The following PDZRN4 variants were observed in gnomAD, a reference collection of about 807,000 sequenced individuals.
PDZRN4 encodes PDZ domain containing ring finger 4, also known as PDZ domain-containing RING finger protein 4.
In PDZRN4, 70 loss-of-function variants were observed where a neutral mutation model predicts 99.0. The observed-to-expected ratio is 0.71, with a 90% CI of 0.58 to 0.86. PDZRN4 has a LOEUF of 0.86. Among genes scored for constraint, PDZRN4 ranks in the 40% least tolerant of loss-of-function variants. The pLI, the probability that PDZRN4 is intolerant of heterozygous loss-of-function variation, is 0.00. For synonymous variants in PDZRN4, 551 were observed against 501.6 expected (o/e 1.10, Z -1.32); for missense variants, 1,474 against 1,331.2 (o/e 1.11, Z -1.67).
intron 3 of PDZRN4, among the ~76,000 whole-genome samples, chr12:41,346,668 G>C (rs943908760): frequency 2.0e-5 from 3 of 152,038 alleles, no homozygotes; most frequent in African/African-American, 7.2e-5. Context: ...CTAACCAAAA[G>C]CTTGATGGTG....
At position 41,308,970 on chromosome 12, in the gene PDZRN4, G is replaced by GA. The variant is rs1236280477; in HGVS notation, c.843+114789dup. On this transcript the variant is annotated intron_variant, in intron 3 of 9. Coordinates refer to ENST00000402685, the MANE Select transcript of PDZRN4 (RefSeq NM_001164595.2). ...ATTTTATGTTCACATTTCCATTTGGGAAAAAAAGCTTATATTCCTATTTAA... is the reference window on the plus strand; with the variant it reads ...ATTTTATGTTCACATTTCCATTTGGGAAAAAAAAGCTTATATTCCTATTTAA... 4.0e-5 allele frequency among the ~76,000 whole-genome samples: 6 copies of GA among 151,620 alleles called. No individual in the cohort carries two copies. The South Asian group carries it at 1.0e-3, about 26-fold the overall frequency.
At chr12:41,369,647 C>A (rs979321298) in intron 3 of PDZRN4, among the ~76,000 whole-genome samples, 1 of 151,884 alleles carries the variant, frequency 6.6e-6, no homozygotes, top group African/African-American at 2.4e-5. Flanking sequence ...ATTTCAGAAT[C>A]TCTGTCTTTA....
At chr12:41,248,375 C>T (rs1282850101) in intron 3 of PDZRN4, among the ~76,000 whole-genome samples, 3 of 152,038 alleles carry the variant, frequency 2.0e-5, no homozygotes, top group South Asian at 2.1e-4. Context: ...ATAGGTTTTA[C>T]GAATTACACA....
chr12:41,465,894 T>A (rs1952919779), intron 3 of PDZRN4, among the ~76,000 whole-genome samples: 1 of 152,244 alleles, frequency 6.6e-6, no homozygotes, highest in Non-Finnish European at 1.5e-5. Context: ...TTTCAGTGTT[T>A]TTTTTTAATA....
chr12:41,330,796 C>T (rs754386517), intron 3 of PDZRN4, among the ~76,000 whole-genome samples: 10 of 151,990 alleles, frequency 6.6e-5, no homozygotes, highest in Admixed American at 1.3e-4. Context: ...CCTTTATTTG[C>T]CTTTCTGGAA....
chr12:41,519,630 T>G (rs1938459604), intron 5 of PDZRN4, among the ~76,000 whole-genome samples: 1 of 152,092 alleles, frequency 6.6e-6, no homozygotes, highest in Admixed American at 6.6e-5. Flanking sequence ...ACCAATGCTC[T>G]TCAATGCCTT....
chr12:41,496,585 G>A (rs1938009038), intron 3 of PDZRN4, among the ~76,000 whole-genome samples: 1 of 152,102 alleles, frequency 6.6e-6, no homozygotes, highest in African/African-American at 2.4e-5. Context: ...TTTAAGAGCA[G>A]AGCAGCCCTG....
chr12:41,304,254 T>G (rs1047482584), intron 3 of PDZRN4, among the ~76,000 whole-genome samples: 10 of 152,130 alleles, frequency 6.6e-5, no homozygotes, highest in African/African-American at 2.4e-4. Flanking sequence ...TGATATCAGA[T>G]CAAAAGGAGT....
At chr12:41,339,079 T>C (rs1025664260) in intron 3 of PDZRN4, among the ~76,000 whole-genome samples, 2 of 151,658 alleles carry the variant, frequency 1.3e-5, no homozygotes, top group Non-Finnish European at 2.9e-5. Context: ...TTTCCTAAAA[T>C]TTATATGGAA....
At chr12:41,245,101 G>C (rs1000271305) in intron 3 of PDZRN4, among the ~76,000 whole-genome samples, 5 of 152,020 alleles carry the variant, frequency 3.3e-5, no homozygotes, top group Non-Finnish European at 7.4e-5. Context: ...TTACCACCCT[G>C]GGCACTGTCT....
At chr12:41,425,782 C>T (rs2120422120) in intron 3 of PDZRN4, among the ~76,000 whole-genome samples, 1 of 152,236 alleles carries the variant, frequency 6.6e-6, no homozygotes, top group South Asian at 2.1e-4. Flanking sequence ...TTTAATGGGT[C>T]TTCTTTAACC....
At chr12:41,352,906 A>G (rs1249982229) in intron 3 of PDZRN4, among the ~76,000 whole-genome samples, 2 of 152,152 alleles carry the variant, frequency 1.3e-5, no homozygotes, top group South Asian at 4.1e-4. Context: ...AATATAAATG[A>G]CAAAGACCAT....
At chr12:41,239,861 A>C (rs1174757102) in intron 3 of PDZRN4, among the ~76,000 whole-genome samples, 1 of 152,202 alleles carries the variant, frequency 6.6e-6, no homozygotes, top group Non-Finnish European at 1.5e-5. Flanking sequence ...CAAATGTTAA[A>C]AATGAAAACC....
chr12:41,533,610 A>T (rs1323405222), intron 5 of PDZRN4, among the ~76,000 whole-genome samples: 5 of 152,180 alleles, frequency 3.3e-5, no homozygotes, highest in Non-Finnish European at 5.9e-5. Context: ...CCAATATTTT[A>T]CTTTCAACTT....
intron 3 of PDZRN4, among the ~76,000 whole-genome samples, chr12:41,337,865 A>G (rs1951787149): frequency 6.6e-6 from 1 of 152,164 alleles, no homozygotes. Context: ...ATGCTGGGCC[A>G]TCAACATAGA....
chr12:41,243,766 G>A (rs76917429), intron 3 of PDZRN4, among the ~76,000 whole-genome samples: 1,589 of 152,244 alleles, frequency 0.01, 30 homozygotes, highest in African/African-American at 0.035. Context: ...CTAATTCACA[G>A]TAGCAGAATA....
intron 3 of PDZRN4, among the ~76,000 whole-genome samples, chr12:41,324,752 C>T (rs1403879409): frequency 6.6e-6 from 1 of 152,038 alleles, no homozygotes; most frequent in Non-Finnish European, 1.5e-5. Flanking sequence ...ACAATTAAAA[C>T]ATGACAAGTG....
At chr12:41,328,477 C>A (rs1188116434) in intron 3 of PDZRN4, among the ~76,000 whole-genome samples, 1 of 152,062 alleles carries the variant, frequency 6.6e-6, no homozygotes, top group Non-Finnish European at 1.5e-5. Context: ...TATGATAATG[C>A]CACTACACTC....
intron 9 of PDZRN4, among the ~76,000 whole-genome samples, chr12:41,569,469 G>A (rs1939437503): frequency 6.6e-6 from 1 of 151,806 alleles, no homozygotes; most frequent in African/African-American, 2.4e-5. Flanking sequence ...TGACCAGGCT[G>A]GCCTCGAACT....
Sources: allele counts gnomAD v4.1 joint callset (sites outside exome capture counted in the v4.1 genomes callset), GRCh38; gene constraint gnomAD v4.1.1; transcripts MANE v1.5; gene names NCBI Gene and HGNC (gene_info 2026-07-23, HGNC 2026-07-21).